HECW2: variants seen among roughly 807,000 people sequenced by gnomAD.
HECW2 encodes HECT, C2 and WW domain containing E3 ubiquitin protein ligase 2, also known as E3 ubiquitin-protein ligase HECW2.
HECW2 carries 61 observed loss-of-function variants against 175.2 expected under a neutral mutation model. That is an observed-to-expected ratio of 0.35 (90% CI 0.28 to 0.43). The LOEUF (loss-of-function observed/expected upper bound fraction) is 0.43. Ranked by LOEUF, HECW2 falls within the 20% of genes least tolerant of loss-of-function variation. The pLI is 1.00. For synonymous variants in HECW2, 671 were observed against 731.0 expected (o/e 0.92, Z 1.32); for missense variants, 1,524 against 2,000.5 (o/e 0.76, Z 4.54).
chr2:196,371,633 G>A (rs893727984), intron 2 of HECW2, among the ~76,000 whole-genome samples: 3 of 152,052 alleles, frequency 2.0e-5, no homozygotes, highest in Non-Finnish European at 2.9e-5. Context: ...ATAAAATTTT[G>A]GACTCATATT....
intron 2 of HECW2, among the ~76,000 whole-genome samples, chr2:196,364,615 A>G (rs1249222224): frequency 6.6e-6 from 1 of 152,244 alleles, no homozygotes; most frequent in Non-Finnish European, 1.5e-5. Flanking sequence ...ACGACTTTTT[A>G]TCAACAAAAC....
At chr2:196,438,116 A>G (rs1695935373) in intron 1 of HECW2, among the ~76,000 whole-genome samples, 1 of 152,206 alleles carries the variant, frequency 6.6e-6, no homozygotes, top group Non-Finnish European at 1.5e-5. Context: ...CTGAATGAAT[A>G]AAAACTGAGA....
chr2:196,447,364 TGA>T (rs1696217005), intron 1 of HECW2, among the ~76,000 whole-genome samples: 1 of 152,154 alleles, frequency 6.6e-6, no homozygotes. Context: ...TCCCATACAA[TGA>T]GAGAGTCAAC....
intron 2 of HECW2, among the ~76,000 whole-genome samples, chr2:196,421,433 C>A (rs1303502985): frequency 6.6e-6 from 1 of 152,058 alleles, no homozygotes; most frequent in Non-Finnish European, 1.5e-5. Flanking sequence ...CAACTGATAA[C>A]AGACAAAACA....
intron 1 of HECW2, among the ~76,000 whole-genome samples, chr2:196,578,277 T>A (rs868298221): frequency 6.6e-6 from 1 of 152,200 alleles, no homozygotes. Flanking sequence ...TAAAAAAGAA[T>A]CAGTGTACTT....
intron 1 of HECW2, among the ~76,000 whole-genome samples, chr2:196,439,543 T>C (rs1695979416): frequency 6.6e-6 from 1 of 152,110 alleles, no homozygotes; most frequent in Admixed American, 6.6e-5. Flanking sequence ...TAGAACTGTT[T>C]CTGTATTAAA....
chr2:196,292,907 A>G (rs1363158958), intron 13 of HECW2, among the ~76,000 whole-genome samples, 157 bp from the exon 14 acceptor site: 2 of 152,250 alleles, frequency 1.3e-5, no homozygotes, highest in African/African-American at 2.4e-5. Flanking sequence ...CAGCAGACAG[A>G]GCAAAATATC....
chr2:196,202,538 A>G (rs979412924), intron 28 of HECW2, among the ~76,000 whole-genome samples: 1 of 152,194 alleles, frequency 6.6e-6, no homozygotes, highest in African/African-American at 2.4e-5. Flanking sequence ...TAAGTGAAAT[A>G]ACAGAAACAT....
intron 2 of HECW2, among the ~76,000 whole-genome samples, chr2:196,401,312 G>T (rs1161813840): frequency 2.0e-5 from 3 of 152,162 alleles, no homozygotes; most frequent in Non-Finnish European, 2.9e-5. Flanking sequence ...GAGATGGATT[G>T]ATGTCTAAGG....
At chr2:196,295,013 A>C (rs550812465) in intron 13 of HECW2, among the ~76,000 whole-genome samples, 1 of 152,326 alleles carries the variant, frequency 6.6e-6, no homozygotes, top group Non-Finnish European at 1.5e-5. Flanking sequence ...GAAGAAAGGA[A>C]GGGAGGAGGA....
intron 19 of HECW2, among the ~76,000 whole-genome samples, chr2:196,243,097 C>T (rs1688520440): frequency 6.6e-6 from 1 of 151,758 alleles, no homozygotes; most frequent in African/African-American, 2.4e-5. Context: ...CACATAATTG[C>T]AAAAGGCACC....
intron 2 of HECW2, among the ~76,000 whole-genome samples, chr2:196,381,157 T>C (rs1694197010): frequency 1.3e-5 from 2 of 152,214 alleles, no homozygotes; most frequent in African/African-American, 4.8e-5. Context: ...TAAAGCATGA[T>C]GCTCTTTAGA....
At chr2:196,570,267 A>T (rs1690338057) in intron 1 of HECW2, among the ~76,000 whole-genome samples, 1 of 152,228 alleles carries the variant, frequency 6.6e-6, no homozygotes, top group Non-Finnish European at 1.5e-5. Flanking sequence ...TACCATAATC[A>T]TTTTAGTCAA....
At chr2:196,310,763 C>A (rs766765844) in intron 10 of HECW2, among the ~76,000 whole-genome samples, 1 of 47,168 alleles carries the variant, frequency 2.1e-5, no homozygotes, top group Non-Finnish European at 5.6e-5. Flanking sequence ...ACGAGAGCAA[C>A]GATTTTGTGT....
chr2:196,280,125 T>C (rs1690130868), intron 14 of HECW2, among the ~76,000 whole-genome samples: 1 of 152,224 alleles, frequency 6.6e-6, no homozygotes, highest in African/African-American at 2.4e-5. Flanking sequence ...ATTGTAAGTT[T>C]TCCATGATCA....
At chr2:196,249,630 C>T (rs1031989664) in intron 19 of HECW2, among the ~76,000 whole-genome samples, 2 of 152,186 alleles carry the variant, frequency 1.3e-5, no homozygotes, top group Non-Finnish European at 2.9e-5. Context: ...GTTGCTTTCA[C>T]AAAACCTTCA....
chr2:196,389,035 A>G (rs1001866748), intron 2 of HECW2, among the ~76,000 whole-genome samples: 1 of 152,214 alleles, frequency 6.6e-6, no homozygotes, highest in Non-Finnish European at 1.5e-5. Flanking sequence ...TATAGTTCCT[A>G]GAATCTGAAG....
chr2:196,491,365 T>TACACACACAC (rs757194604), intron 1 of HECW2, among the ~76,000 whole-genome samples: 1 of 100,674 alleles, frequency 9.9e-6, no homozygotes, highest in Non-Finnish European at 2.0e-5. Context: ...AAATCATATA[T>TACACACACAC]ATATACACAC....
chr2:196,461,877 G>A (rs987343554), intron 1 of HECW2, among the ~76,000 whole-genome samples: 4 of 152,050 alleles, frequency 2.6e-5, no homozygotes, highest in African/African-American at 7.3e-5. Flanking sequence ...GGAACCATGC[G>A]GATTACAATT....
Sources: allele counts gnomAD v4.1 joint callset (sites outside exome capture counted in the v4.1 genomes callset), GRCh38; gene constraint gnomAD v4.1.1; transcripts MANE v1.5; gene names NCBI Gene and HGNC (gene_info 2026-07-23, HGNC 2026-07-21).